Variants in PCSK5 observed in about 807,000 individuals in gnomAD.
PCSK5 encodes prohormone convertase 5.
A neutral mutation model predicts 233.2 loss-of-function variants in PCSK5; 129 were observed. The observed-to-expected ratio is 0.55, with a 90% CI of 0.48 to 0.64. The LOEUF is 0.64. Among genes scored for constraint, PCSK5 ranks in the 30% least tolerant of loss-of-function variants. PCSK5 has a pLI of 0.00. For missense variants in PCSK5, 2,076 were observed against 2,430.1 expected (o/e 0.85, Z 3.06); for synonymous variants, 825 against 879.2 (o/e 0.94, Z 1.09).
chr9:76,099,420 C>T lies in PCSK5; in HGVS notation c.1107+3318C>T, dbSNP rs543240646. Among the ~76,000 whole-genome samples, 11 of 152,258 alleles carry T rather than the reference C, an allele frequency of 7.2e-5. No individual in the cohort carries two copies. The East Asian group carries it at 1.9e-3, about 27-fold the overall frequency. On this transcript the variant is annotated intron_variant, in intron 8 of 37. Transcript: ENST00000674117. ...ACACAGGAGCAGCTCAGTGCATGTCCGGTCGCATTGTCGCCTAAGCTCCTG... is the reference window on the plus strand; with the variant it reads ...ACACAGGAGCAGCTCAGTGCATGTCTGGTCGCATTGTCGCCTAAGCTCCTG...
chr9:75,925,855 C>T (rs908592722), intron 1 of PCSK5, among the ~76,000 whole-genome samples: 2 of 152,188 alleles, frequency 1.3e-5, no homozygotes, highest in Non-Finnish European at 2.9e-5. Flanking sequence ...TAGCCAAGTG[C>T]TAAGGAAGCA....
At chr9:76,351,447 G>GAAAGGAAAGAAGAAAGAAAGAAA (rs1491332963) in intron 36 of PCSK5, among the ~76,000 whole-genome samples, 1,046 of 27,346 alleles carry the variant, frequency 0.038, 242 homozygotes, top group Middle Eastern at 0.071. Context: ...GTGAAAGAAA[G>GAAAGGAAAGAAGAAAGAAAGAAA]GAAAGAAAGA....
At chr9:75,892,161 GGCAGGCA>G (rs1825638780) in intron 1 of PCSK5, among the ~76,000 whole-genome samples, 1 of 152,200 alleles carries the variant, frequency 6.6e-6, no homozygotes, top group African/African-American at 2.4e-5. Context: ...GCGAGAGTTG[GGCAGGCA>G]GCAGGGGCGC....
intron 27 of PCSK5, among the ~76,000 whole-genome samples, chr9:76,297,308 C>G (rs186554266): frequency 6.6e-6 from 1 of 152,312 alleles, no homozygotes; most frequent in South Asian, 2.1e-4. Context: ...ATTAGACAAG[C>G]AAGAACTGCT....
chr9:76,055,274 C>T (rs1587559385), intron 5 of PCSK5, among the ~76,000 whole-genome samples: 2 of 152,008 alleles, frequency 1.3e-5, no homozygotes, highest in African/African-American at 2.4e-5. Context: ...TCTCTTCCCC[C>T]ATAACAAAAA....
chr9:76,324,863 C>T (rs992272013), intron 32 of PCSK5, among the ~76,000 whole-genome samples: 2 of 152,004 alleles, frequency 1.3e-5, no homozygotes, highest in Admixed American at 6.6e-5. Context: ...CAAGCAAACA[C>T]GACAAGATAG....
chr9:76,010,513 G>T (rs1428671212), intron 3 of PCSK5, among the ~76,000 whole-genome samples: 2 of 152,174 alleles, frequency 1.3e-5, no homozygotes, highest in African/African-American at 2.4e-5. Context: ...AAAATAAGGT[G>T]TTGGAGAATA....
chr9:76,342,662 GCTT>G (rs1215538602), intron 35 of PCSK5, among the ~76,000 whole-genome samples: 1 of 152,150 alleles, frequency 6.6e-6, no homozygotes, highest in Non-Finnish European at 1.5e-5. Flanking sequence ...CTCTAAATCT[GCTT>G]CTTTTCCCAA....
chr9:75,949,023 T>C (rs1186592097), intron 2 of PCSK5, among the ~76,000 whole-genome samples: 2 of 151,014 alleles, frequency 1.3e-5, no homozygotes, highest in African/African-American at 2.4e-5. Flanking sequence ...AAAACTACTT[T>C]TGAAGATACT....
chr9:76,155,973 GGTT>G (rs1322637174), intron 10 of PCSK5, among the ~76,000 whole-genome samples: 3 of 152,176 alleles, frequency 2.0e-5, no homozygotes, highest in African/African-American at 7.2e-5. Flanking sequence ...TTGGTGATGA[GGTT>G]GTTTTGCAAG....
intron 2 of PCSK5, among the ~76,000 whole-genome samples, chr9:75,953,579 C>T (rs1251756302): frequency 1.3e-5 from 2 of 151,978 alleles, no homozygotes; most frequent in Non-Finnish European, 2.9e-5. Context: ...TTTCTTCCTG[C>T]TTCTTGCATT....
chr9:76,046,467 C>G (rs111837259), intron 5 of PCSK5, among the ~76,000 whole-genome samples: 1 of 150,152 alleles, frequency 6.7e-6, no homozygotes, highest in African/African-American at 2.4e-5. Context: ...TGAGCCACCG[C>G]GCCCAGCCAA....
intron 1 of PCSK5, among the ~76,000 whole-genome samples, chr9:75,925,964 A>G (rs1823466729): frequency 6.6e-6 from 1 of 152,152 alleles, no homozygotes. Flanking sequence ...GAAGTTTCGG[A>G]CTTTTCAGTT....
chr9:75,973,790 G>T (rs1035433643), intron 2 of PCSK5, among the ~76,000 whole-genome samples: 1 of 152,206 alleles, frequency 6.6e-6, no homozygotes, highest in African/African-American at 2.4e-5. Context: ...GGGAACTGTG[G>T]TCAAGGCCAA....
intron 2 of PCSK5, among the ~76,000 whole-genome samples, chr9:75,984,881 AC>A (rs972797397): frequency 6.6e-5 from 10 of 152,164 alleles, no homozygotes; most frequent in African/African-American, 2.2e-4. Flanking sequence ...TTGCTGCTCC[AC>A]TTTGACTGAG....
chr9:75,956,379 C>G (rs947473286), intron 2 of PCSK5, among the ~76,000 whole-genome samples: 2 of 152,136 alleles, frequency 1.3e-5, no homozygotes, highest in Non-Finnish European at 2.9e-5. Context: ...GAAATCTGCC[C>G]AAGGCCACAG....
At chr9:75,900,389 A>T (rs1160917002) in intron 1 of PCSK5, among the ~76,000 whole-genome samples, 1 of 152,062 alleles carries the variant, frequency 6.6e-6, no homozygotes, top group Non-Finnish European at 1.5e-5. Context: ...CTTGTTTAAA[A>T]TTTTTTTGGC....
chr9:76,350,987 C>T lies in PCSK5; in HGVS notation c.5067+59C>T, dbSNP rs141266694. 3.7e-4 allele frequency: 307 copies of T among 821,918 alleles called. No individual in the cohort carries two copies. The African/African-American group carries it at 4.5e-3, about 12-fold the overall frequency. The allele number at this position is 821,918 out of a possible 1,614,324, so 50.9% of individuals were successfully genotyped here. ...CTTTCTAGAGGGAAACATGAGCTTACTTCCTGCATGTCATTCTGGGCAATC... is the reference window on the plus strand; with the variant it reads ...CTTTCTAGAGGGAAACATGAGCTTATTTCCTGCATGTCATTCTGGGCAATC... On this transcript the variant is annotated intron_variant, in intron 36 of 37. Coordinates refer to ENST00000674117, the MANE Select transcript of PCSK5 (RefSeq NM_001372043.1).
chr9:76,325,379 G>T (rs931052494), intron 32 of PCSK5, among the ~76,000 whole-genome samples: 2 of 152,110 alleles, frequency 1.3e-5, no homozygotes, highest in African/African-American at 4.8e-5. Flanking sequence ...CTTGAGAAAG[G>T]CCCCTGGTTG....
Sources: gnomAD v4.1 joint callset for allele counts (sites outside exome capture counted in the v4.1 genomes callset) on GRCh38, gnomAD v4.1.1 for gene constraint, MANE v1.5 for transcripts, NCBI Gene and HGNC (gene_info 2026-07-23, HGNC 2026-07-21) for gene names.